Variants in ACTL8 observed in about 807,000 individuals in gnomAD.
ACTL8 encodes actin-like protein 8.
In ACTL8, 3 loss-of-function variants were observed where a neutral mutation model predicts 9.3. The observed-to-expected ratio is 0.32, with a 90% CI of 0.15 to 0.83. ACTL8 has a LOEUF of 0.83. Ranked by LOEUF, ACTL8 falls within the 40% of genes least tolerant of loss-of-function variation. ACTL8 has a pLI of 0.57. For synonymous variants in ACTL8, 224 were observed against 205.9 expected, an observed-to-expected ratio of 1.09 and a Z score of -0.75; for missense variants, 381 against 492.2, an observed-to-expected ratio of 0.77 and a Z score of 2.14.
intron 1 of ACTL8, among the ~76,000 whole-genome samples, chr1:17,794,488 C>T (rs1261517253): frequency 1.3e-5 from 2 of 152,156 alleles, no homozygotes; most frequent in Non-Finnish European, 2.9e-5. Flanking sequence ...GGCTTTCAGG[C>T]CATGATGTCT....
At chr1:17,798,202 AATAT>A (rs1294011263) in intron 1 of ACTL8, among the ~76,000 whole-genome samples, 1 of 119,096 alleles carries the variant, frequency 8.4e-6, no homozygotes, top group Non-Finnish European at 1.7e-5. Flanking sequence ...CTTTTCCTGA[AATAT>A]GCAGTGGGAG....
chr1:17,811,603 T>G (rs1040558403), intron 1 of ACTL8, among the ~76,000 whole-genome samples: 2 of 152,258 alleles, frequency 1.3e-5, no homozygotes, highest in African/African-American at 4.8e-5. Flanking sequence ...ATCTATATTT[T>G]ACATGATCCA....
At chr1:17,757,923 G>T (rs1232406575) in intron 1 of ACTL8, among the ~76,000 whole-genome samples, 1 of 152,178 alleles carries the variant, frequency 6.6e-6, no homozygotes. Context: ...GTTAATGAGG[G>T]TTGTGATGTC....
intron 1 of ACTL8, among the ~76,000 whole-genome samples, chr1:17,758,003 C>T (rs1364474087): frequency 6.6e-6 from 1 of 152,206 alleles, no homozygotes; most frequent in African/African-American, 2.4e-5. Flanking sequence ...CATGTCTAAT[C>T]TGCACTCCCC....
intron 1 of ACTL8, among the ~76,000 whole-genome samples, chr1:17,797,705 TTGC>T (rs1256854039): frequency 6.6e-6 from 1 of 152,190 alleles, no homozygotes; most frequent in African/African-American, 2.4e-5. Flanking sequence ...CTTCCTGTAC[TTGC>T]TGCCTGTTTC....
intron 1 of ACTL8, among the ~76,000 whole-genome samples, chr1:17,817,917 G>A (rs983136627): frequency 2.6e-5 from 4 of 152,118 alleles, no homozygotes; most frequent in African/African-American, 9.7e-5. Context: ...GGCCGGGCTG[G>A]TCTCAAACTT....
At chr1:17,776,607 G>A (rs1441518289) in intron 1 of ACTL8, among the ~76,000 whole-genome samples, 1 of 152,152 alleles carries the variant, frequency 6.6e-6, no homozygotes, top group Non-Finnish European at 1.5e-5. Context: ...CCTGCCATAT[G>A]TTCCTAATGG....
At chr1:17,791,096 G>A (rs1382464316) in intron 1 of ACTL8, among the ~76,000 whole-genome samples, 2 of 152,164 alleles carry the variant, frequency 1.3e-5, no homozygotes, top group African/African-American at 4.8e-5. Flanking sequence ...GCTGTGCCTG[G>A]CAGGGGGTGG....
chr1:17,810,856 G>A (rs1273631753), intron 1 of ACTL8, among the ~76,000 whole-genome samples: 1 of 152,178 alleles, frequency 6.6e-6, no homozygotes, highest in African/African-American at 2.4e-5. Context: ...TTGCTAAGTA[G>A]TATTCCATTG....
intron 1 of ACTL8, among the ~76,000 whole-genome samples, chr1:17,776,329 T>A (rs2066117730): frequency 1.3e-5 from 2 of 152,172 alleles, no homozygotes; most frequent in South Asian, 4.1e-4. Flanking sequence ...AGATCCTGTG[T>A]ACAGCCACTC....
At chr1:17,759,988 C>T (rs1311807189) in intron 1 of ACTL8, among the ~76,000 whole-genome samples, 1 of 152,192 alleles carries the variant, frequency 6.6e-6, no homozygotes, top group Non-Finnish European at 1.5e-5. Flanking sequence ...CGCAGCTTCC[C>T]CCTCCTAATA....
At chr1:17,784,689 C>T (rs2066183113) in intron 1 of ACTL8, among the ~76,000 whole-genome samples, 2 of 152,214 alleles carry the variant, frequency 1.3e-5, no homozygotes, top group South Asian at 4.1e-4. Flanking sequence ...CCATTTATTC[C>T]TCATGGGATA....
rs141884680 is a variant in ACTL8 at position 17,813,587 on chromosome 1, A to G, written c.-24-9398A>G. Reference sequence around the variant, plus strand: ...AGATTTTTGGTTTGAGTTTTGTTTTATTTTGTAATATCTTTGCTTTTGGTT... The same window carrying G: ...AGATTTTTGGTTTGAGTTTTGTTTTGTTTTGTAATATCTTTGCTTTTGGTT... On this transcript the variant is annotated intron_variant, in intron 1 of 2. Transcript: ENST00000375406. 2.6e-3 allele frequency among the ~76,000 whole-genome samples: 389 copies of G among 152,204 alleles called. 3 individuals carry two copies. The highest frequency in any genetic ancestry group is 8.8e-3 in the African/African-American group (367 of 41,532).
At chr1:17,816,379 C>G (rs1185030632) in intron 1 of ACTL8, among the ~76,000 whole-genome samples, 11 of 151,974 alleles carry the variant, frequency 7.2e-5, no homozygotes, top group Admixed American at 6.6e-4. Context: ...TTTTTTTGTA[C>G]TTTTGGGAGA....
chr1:17,768,242 A>T (rs1311996618), intron 1 of ACTL8, among the ~76,000 whole-genome samples: 2 of 152,148 alleles, frequency 1.3e-5, no homozygotes, highest in Non-Finnish European at 1.5e-5. Flanking sequence ...CCCCACCAGG[A>T]TGGGTGGCTC....
intron 1 of ACTL8, among the ~76,000 whole-genome samples, chr1:17,819,226 C>T (rs2053625103): frequency 1.3e-5 from 2 of 152,252 alleles, no homozygotes; most frequent in Admixed American, 1.3e-4. Flanking sequence ...CACCTGCTCT[C>T]AGCAGGGCAG....
At chr1:17,756,055 A>G (rs1359345550) in intron 1 of ACTL8, among the ~76,000 whole-genome samples, 1 of 151,348 alleles carries the variant, frequency 6.6e-6, no homozygotes, top group Non-Finnish European at 1.5e-5. Flanking sequence ...ACTCTACCGC[A>G]GCCCTCAGGG....
chr1:17,823,302 G>C lies in ACTL8; in HGVS notation c.294G>C (p.Val98=), dbSNP rs2053680832. ...GACGGGAGCAAGAGGTCCCCCCTGT[G>C]ATCATCACGGAGACACCCTTGAGGG... The part of the protein sequence containing the change: ...NHRREQEVPP[V]IITETPLREP... The change falls in exon 2 of 3, where the codon GTG becomes GTC. Residue 98 remains valine, a synonymous_variant. Transcript: ENST00000375406. The surrounding 1 kb of genome is among the most constrained non-coding windows in gnomAD (Gnocchi z 5.3). 6.2e-7 allele frequency: 1 copy of C among 1,613,972 alleles called. No homozygotes were observed. The highest frequency in any genetic ancestry group is 1.7e-5 in the Admixed American group (1 of 60,002).
intron 1 of ACTL8, among the ~76,000 whole-genome samples, chr1:17,788,090 C>T (rs958110272): frequency 2.6e-5 from 4 of 152,214 alleles, no homozygotes; most frequent in South Asian, 2.1e-4. Context: ...CCCGTTGGGT[C>T]CTCTGCCCCT....
Sources: allele counts gnomAD v4.1 joint callset (sites outside exome capture counted in the v4.1 genomes callset), GRCh38; gene constraint gnomAD v4.1.1; non-coding constraint Gnocchi (gnomAD v3.1); transcripts MANE v1.5; gene names NCBI Gene and HGNC (gene_info 2026-07-23, HGNC 2026-07-21).